UBE2E1: variants seen among roughly 807,000 people sequenced by gnomAD.
The protein encoded by UBE2E1 is ubiquitin conjugating enzyme E2 E1.
Under a neutral mutation model 21.4 loss-of-function variants are expected in UBE2E1, and 6 were observed. That is an observed-to-expected ratio of 0.28 (90% CI 0.15 to 0.55). The LOEUF (loss-of-function observed/expected upper bound fraction) is 0.55. UBE2E1 is among the 20% of genes least tolerant of loss of function. UBE2E1 has a pLI of 0.93. For missense variants in UBE2E1, 142 were observed against 236.5 expected (o/e 0.60, Z 2.62); for synonymous variants, 87 against 82.7 (o/e 1.05, Z -0.28).
intron 3 of UBE2E1, among the ~76,000 whole-genome samples, chr3:23,868,065 C>T (rs1246477145): frequency 6.6e-6 from 1 of 152,136 alleles, no homozygotes; most frequent in East Asian, 1.9e-4. Context: ...CTATTGAAAA[C>T]ATGTTTGGAA....
chr3:23,875,001 C>A (rs980887515), intron 3 of UBE2E1, among the ~76,000 whole-genome samples: 2 of 152,036 alleles, frequency 1.3e-5, no homozygotes, highest in African/African-American at 2.4e-5. Flanking sequence ...TTAAGAGTGA[C>A]CCCCTAATGT....
chr3:23,891,576 G>C lies in UBE2E1; in HGVS notation c.*970G>C, dbSNP rs1194555358. 2 of 152,184 alleles carry C rather than the reference G, an allele frequency of 1.3e-5. No individual in the cohort carries two copies. The highest frequency in any genetic ancestry group is 2.9e-5 in the Non-Finnish European group (2 of 68,026). The allele number at this position is 152,184 out of a possible 1,614,324, so 9.4% of individuals were successfully genotyped here. On this transcript the variant is annotated 3_prime_UTR_variant, in exon 6 of 6. Coordinates refer to ENST00000306627, the MANE Select transcript of UBE2E1 (RefSeq NM_003341.5). ...AAGCATTTTCTGACTTGCAGATGCT[G>C]TAGTAGCAAGTACATGAGAAATGGG...
At chr3:23,851,154 G>C (rs944489476) in intron 3 of UBE2E1, among the ~76,000 whole-genome samples, 6 of 152,048 alleles carry the variant, frequency 3.9e-5, no homozygotes, top group Non-Finnish European at 8.8e-5. Flanking sequence ...AGACTATTCT[G>C]TCTCCATTGA....
In UBE2E1 at chr3:23,870,816, A is replaced by T. The variant is rs1475712982; in HGVS notation, c.204-16751A>T. On this transcript the variant is annotated intron_variant, in intron 3 of 5. Coordinates refer to ENST00000306627, the MANE Select transcript of UBE2E1 (RefSeq NM_003341.5). This position sits in a 1 kb window ranked among gnomAD's most constrained non-coding sequence, Gnocchi z 4.2. Reference sequence around the variant, plus strand: ...GGTCTCTGGTTTTCCTAGGCAGAGGACCCTGCGGCCTTCCGCAGTGTTTGT... The same window carrying T: ...GGTCTCTGGTTTTCCTAGGCAGAGGTCCCTGCGGCCTTCCGCAGTGTTTGT... Among the ~76,000 whole-genome samples the T allele has an allele frequency of 7.8e-6, 1 of 127,502 alleles. No homozygotes were observed. The highest frequency in any genetic ancestry group is 2.2e-4 in the East Asian group (1 of 4,530). 83.6% of individuals were successfully genotyped at this position (127,502 alleles called of 152,430 possible).
At chr3:23,829,179 A>AAG (rs1553636581) in intron 3 of UBE2E1, among the ~76,000 whole-genome samples, 6 of 151,176 alleles carry the variant, frequency 4.0e-5, no homozygotes, top group African/African-American at 7.3e-5. Flanking sequence ...AAAAAAAAAA[A>AAG]AGAGAGGGCC....
chr3:23,889,803 T>A (rs771719457), intron 5 of UBE2E1: 7 of 977,720 alleles, frequency 7.2e-6, no homozygotes, highest in Non-Finnish European at 8.5e-6. Context: ...GGTGTCAGGA[T>A]TGTTTGAACC....
chr3:23,815,893 A>G (rs988628522), intron 3 of UBE2E1, among the ~76,000 whole-genome samples: 4 of 152,222 alleles, frequency 2.6e-5, no homozygotes, highest in Admixed American at 6.5e-5. Context: ...TGCAGTGTGT[A>G]TACCTTTATG....
rs556565177 is a variant in UBE2E1 at position 23,871,738 on chromosome 3, C to T, written c.204-15829C>T. ...GGTGCTCCTCACATCCCAGACGGGG[C>T]GGCGGGGCAAAGGCGCTCCCCACAT... On this transcript the variant is annotated intron_variant, in intron 3 of 5. Transcript: ENST00000306627. Among the ~76,000 whole-genome samples the T allele has an allele frequency of 2.0e-4, 30 of 148,068 alleles. 1 individual carries two copies. In the South Asian group the frequency reaches 3.5e-3, roughly 17 times the overall value.
intron 3 of UBE2E1, among the ~76,000 whole-genome samples, chr3:23,874,376 C>T (rs1004221293): frequency 6.6e-5 from 10 of 152,126 alleles, no homozygotes; most frequent in African/African-American, 2.4e-4. Flanking sequence ...TCTGCTTTTC[C>T]CCCAGCTGAC....
In UBE2E1 at chr3:23,806,583, G is replaced by A. The variant is rs1191628223; in HGVS notation, c.-34+495G>A. 1.3e-4 allele frequency among the ~76,000 whole-genome samples: 19 copies of A among 142,878 alleles called. 1 individual carries two copies. Among genetic ancestry groups the A allele is most frequent in the Admixed American group, 3.4e-4 (5 of 14,514 alleles). 93.7% of individuals were successfully genotyped at this position (142,878 alleles called of 152,430 possible). A position where few individuals can be genotyped will look rare whatever the true frequency, so the allele number is the denominator to read the frequency against. Reference sequence around the variant, plus strand: ...GGGCGTGTGCTCCGGACCCCCGCCCGGCCGCATAGCTGTGAGCAGGGCGGC... The same window carrying A: ...GGGCGTGTGCTCCGGACCCCCGCCCAGCCGCATAGCTGTGAGCAGGGCGGC... On this transcript the variant is annotated intron_variant, in intron 1 of 5. Coordinates refer to ENST00000306627, the MANE Select transcript of UBE2E1 (RefSeq NM_003341.5). The surrounding 1 kb of genome is among the most constrained non-coding windows in gnomAD (Gnocchi z 6.5).
At chr3:23,884,710 G>A (rs1701137497) in intron 3 of UBE2E1, among the ~76,000 whole-genome samples, 1 of 152,132 alleles carries the variant, frequency 6.6e-6, no homozygotes, top group African/African-American at 2.4e-5. Flanking sequence ...GCACTACCAA[G>A]TTGAACATGA....
At chr3:23,873,732 C>T (rs1306044898) in intron 3 of UBE2E1, among the ~76,000 whole-genome samples, 2 of 152,060 alleles carry the variant, frequency 1.3e-5, no homozygotes, top group African/African-American at 4.8e-5. Context: ...GGCGACAGAG[C>T]GAGACTCCGT....
chr3:23,837,007 C>A (rs1305904514), intron 3 of UBE2E1, among the ~76,000 whole-genome samples: 1 of 152,078 alleles, frequency 6.6e-6, no homozygotes, highest in Non-Finnish European at 1.5e-5. Flanking sequence ...GGTTCTGGAG[C>A]CAGACTGAGT....
intron 2 of UBE2E1, chr3:23,807,758 T>G (rs1236251771): frequency 5.2e-6 from 1 of 190,914 alleles, no homozygotes; most frequent in Non-Finnish European, 1.1e-5. Flanking sequence ...ATGATCCCAT[T>G]TCTTAATTAC....
intron 3 of UBE2E1, among the ~76,000 whole-genome samples, chr3:23,882,315 A>C (rs1701064184): frequency 1.3e-5 from 2 of 152,214 alleles, no homozygotes; most frequent in African/African-American, 4.8e-5. Context: ...AAGTTCTCCA[A>C]GTCCCCACTA....
Position 23,860,204 on chromosome 3 carries a change from A to G in UBE2E1, c.204-27363A>G, listed in dbSNP as rs191410389. ...TTCTGGGTGCTTTCACCTTGGCTAGATGAAGATGAACGTTCTGACCCGCTC... is the reference window on the plus strand; with the variant it reads ...TTCTGGGTGCTTTCACCTTGGCTAGGTGAAGATGAACGTTCTGACCCGCTC... On this transcript the variant is annotated intron_variant, in intron 3 of 5. Coordinates refer to ENST00000306627, the MANE Select transcript of UBE2E1 (RefSeq NM_003341.5). Among the ~76,000 whole-genome samples, 917 of 152,334 alleles carry G rather than the reference A, an allele frequency of 6.0e-3. 4 individuals are homozygous for G. Among genetic ancestry groups the G allele is most frequent in the Non-Finnish European group, 8.2e-3 (560 of 68,026 alleles).
intron 3 of UBE2E1, among the ~76,000 whole-genome samples, chr3:23,817,434 A>G (rs1559475482): frequency 1.3e-5 from 2 of 149,094 alleles, no homozygotes; most frequent in African/African-American, 4.9e-5. Flanking sequence ...AAAAAAAAAA[A>G]AAAAGAAAGA....
chr3:23,877,200 A>C (rs1158685778), intron 3 of UBE2E1, among the ~76,000 whole-genome samples: 1 of 152,176 alleles, frequency 6.6e-6, no homozygotes, highest in Non-Finnish European at 1.5e-5. Flanking sequence ...GCTTGTCCAG[A>C]GGCGGCACTT....
At chr3:23,850,041 G>A (rs1442495548) in intron 3 of UBE2E1, among the ~76,000 whole-genome samples, 1 of 151,924 alleles carries the variant, frequency 6.6e-6, no homozygotes, top group African/African-American at 2.4e-5. Flanking sequence ...GTGATTATTG[G>A]GTATCTTCAT....
Sources: allele counts gnomAD v4.1 joint callset (sites outside exome capture counted in the v4.1 genomes callset), GRCh38; gene constraint gnomAD v4.1.1; non-coding constraint Gnocchi (gnomAD v3.1); transcripts MANE v1.5; gene names NCBI Gene and HGNC (gene_info 2026-07-23, HGNC 2026-07-21).